SAMD12: variants seen among roughly 807,000 people sequenced by gnomAD.
SAMD12 encodes the protein sterile alpha motif domain containing 12.
Under a neutral mutation model 15.0 loss-of-function variants are expected in SAMD12, and 9 were observed. The observed-to-expected ratio is 0.60, with a 90% CI of 0.36 to 1.05. The LOEUF (loss-of-function observed/expected upper bound fraction) is 1.05. SAMD12 is among the 50% of genes least tolerant of loss of function. The pLI is 0.01. For synonymous variants in SAMD12, 86 were observed against 90.1 expected (o/e 0.96, Z 0.25); for missense variants, 230 against 234.2 (o/e 0.98, Z 0.12).
At chr8:118,528,049 C>T (rs932737868) in intron 2 of SAMD12, among the ~76,000 whole-genome samples, 38 of 151,848 alleles carry the variant, frequency 2.5e-4, no homozygotes, top group African/African-American at 7.0e-4. Context: ...TTTCCTGAGA[C>T]GGAGTCTCAC....
chr8:118,461,606 C>CTATTTTCTATG (rs1433130748), intron 2 of SAMD12, among the ~76,000 whole-genome samples: 1 of 151,964 alleles, frequency 6.6e-6, no homozygotes, highest in Non-Finnish European at 1.5e-5. Flanking sequence ...TCTATGAGTC[C>CTATTTTCTATG]AGGCCATCTA....
chr8:118,323,269 C>A (rs1029924645), intron 4 of SAMD12, among the ~76,000 whole-genome samples: 1 of 152,040 alleles, frequency 6.6e-6, no homozygotes, highest in South Asian at 2.1e-4. Context: ...AATATATATG[C>A]CCTATTTATA....
intron 3 of SAMD12, among the ~76,000 whole-genome samples, chr8:118,417,489 A>G (rs1384537711): frequency 1.3e-5 from 2 of 152,202 alleles, no homozygotes; most frequent in African/African-American, 4.8e-5. Flanking sequence ...GCAAATGTTT[A>G]TTGAGTAAAT....
intron 4 of SAMD12, among the ~76,000 whole-genome samples, chr8:118,227,015 G>C (rs1055673633): frequency 6.6e-6 from 1 of 152,030 alleles, no homozygotes; most frequent in Non-Finnish European, 1.5e-5. Flanking sequence ...CCAATTACTG[G>C]GTATATACCT....
the SAMD12 span, among the ~76,000 whole-genome samples, chr8:118,132,175 A>G: frequency 6.6e-6 from 1 of 152,242 alleles, no homozygotes; most frequent in Non-Finnish European, 1.5e-5. Context: ...ATGGATATAT[A>G]CAGTTTTACT....
At chr8:118,356,869 G>T (rs999363000) in intron 4 of SAMD12, among the ~76,000 whole-genome samples, 1 of 152,074 alleles carries the variant, frequency 6.6e-6, no homozygotes, top group Non-Finnish European at 1.5e-5. Context: ...CTCTTAAAGC[G>T]CCCTTCTCCT....
At chr8:118,143,065 A>C in the SAMD12 span, among the ~76,000 whole-genome samples, 1 of 152,316 alleles carries the variant, frequency 6.6e-6, no homozygotes, top group Admixed American at 6.5e-5. Context: ...CACCAAGGGA[A>C]ATTCCATCAT....
intron 4 of SAMD12, among the ~76,000 whole-genome samples, chr8:118,277,359 T>A (rs1813499638): frequency 1.3e-5 from 2 of 152,210 alleles, no homozygotes; most frequent in South Asian, 4.1e-4. Context: ...TCTATCTATC[T>A]ATCATCTATC....
intron 2 of SAMD12, among the ~76,000 whole-genome samples, chr8:118,577,384 A>G (rs1174710792): frequency 2.6e-5 from 4 of 152,212 alleles, no homozygotes; most frequent in Non-Finnish European, 5.9e-5. Context: ...TACAAATTTC[A>G]GTGTCAACAG....
chr8:118,224,132 A>G (rs1812137588), intron 4 of SAMD12, among the ~76,000 whole-genome samples: 1 of 152,210 alleles, frequency 6.6e-6, no homozygotes, highest in Non-Finnish European at 1.5e-5. Context: ...TTGGAAGTTG[A>G]TAGGTGCTGT....
chr8:118,159,319 C>T, the SAMD12 span, among the ~76,000 whole-genome samples: 1 of 152,180 alleles, frequency 6.6e-6, no homozygotes, highest in Non-Finnish European at 1.5e-5. Context: ...AGAGCTGGCA[C>T]CTGTGCCAGT....
intron 4 of SAMD12, among the ~76,000 whole-genome samples, chr8:118,222,630 C>T (rs947782513): frequency 3.3e-5 from 5 of 152,036 alleles, no homozygotes; most frequent in Non-Finnish European, 7.4e-5. Flanking sequence ...CTCAGTCTCC[C>T]GAGTAGCTGG....
At chr8:118,620,651 T>C (rs1828374916) in intron 1 of SAMD12, among the ~76,000 whole-genome samples, 1 of 152,084 alleles carries the variant, frequency 6.6e-6, no homozygotes, top group Admixed American at 6.5e-5. Context: ...AGACAGTCGT[T>C]ATAAGGGGAG....
intron 4 of SAMD12, among the ~76,000 whole-genome samples, chr8:118,256,779 T>TACACACACACACACAC (rs3052764): frequency 2.1e-5 from 3 of 139,776 alleles, no homozygotes; most frequent in Admixed American, 1.5e-4. Flanking sequence ...CTGCATAAGA[T>TACACACACACACACAC]ACACACACAC....
the SAMD12 span, among the ~76,000 whole-genome samples, chr8:118,180,668 G>A: frequency 6.6e-6 from 1 of 151,788 alleles, no homozygotes; most frequent in Non-Finnish European, 1.5e-5. Flanking sequence ...CGCCTCCCAG[G>A]CTCAAGCAAT....
chr8:118,137,831 A>T, the SAMD12 span, among the ~76,000 whole-genome samples: 1 of 152,308 alleles, frequency 6.6e-6, no homozygotes, highest in African/African-American at 2.4e-5. Flanking sequence ...GTTGGGCCAC[A>T]TTCAAAGCCA....
chr8:118,513,557 A>T (rs1055972836), intron 2 of SAMD12, among the ~76,000 whole-genome samples: 1 of 152,266 alleles, frequency 6.6e-6, no homozygotes, highest in Non-Finnish European at 1.5e-5. Context: ...AACACAGAGC[A>T]GTCTTTAAAG....
rs140259119 is a variant in SAMD12 at position 118,356,082 on chromosome 8, G to C, written c.433+23478C>G. On this transcript the variant is annotated intron_variant, in intron 4 of 4. Transcript: ENST00000409003. ...GAAGTAGAACCATTTACTATATACT[G>C]TTTATTGAGATCTGTGCTAATAATT... Among the ~76,000 whole-genome samples the C allele has an allele frequency of 8.5e-4, 130 of 152,310 alleles. 3 individuals carry two copies. In the East Asian group the frequency reaches 0.022, roughly 25 times the overall value.
At chr8:118,558,170 G>T (rs534945085) in intron 2 of SAMD12, among the ~76,000 whole-genome samples, 105 of 152,088 alleles carry the variant, frequency 6.9e-4, no homozygotes, top group African/African-American at 2.4e-3. Flanking sequence ...CTTTAGTTTT[G>T]TCACCTGAAA....
Sources: gnomAD v4.1 joint callset for allele counts (sites outside exome capture counted in the v4.1 genomes callset) on GRCh38, gnomAD v4.1.1 for gene constraint, MANE v1.5 for transcripts, NCBI Gene and HGNC (gene_info 2026-07-23, HGNC 2026-07-21) for gene names.